The following EFL1 variants were observed in gnomAD, a reference collection of about 807,000 sequenced individuals.
EFL1 encodes elongation factor like GTPase 1, also known as elongation factor-like GTPase 1.
Under a neutral mutation model 126.7 loss-of-function variants are expected in EFL1, and 76 were observed. That is an observed-to-expected ratio of 0.60 (90% confidence interval 0.50 to 0.73). EFL1 has a LOEUF of 0.73. EFL1 is among the 30% of genes least tolerant of loss of function. EFL1 has a pLI of 0.00. For missense variants in EFL1, 1,128 were observed against 1,343.2 expected (o/e 0.84, Z 2.50); for synonymous variants, 410 against 448.4 (o/e 0.91, Z 1.08).
chr15:82,134,151 T>C (rs113671930), intron 19 of EFL1, among the ~76,000 whole-genome samples: 60 of 152,348 alleles, frequency 3.9e-4, no homozygotes, highest in African/African-American at 1.4e-3. Flanking sequence ...TCACTACTCC[T>C]GCATCTGTGT....
chr15:82,229,021 A>C lies in EFL1; in HGVS notation c.932+13T>G. 1 of 1,604,256 alleles carries C rather than the reference A, an allele frequency of 6.2e-7. No individual in the cohort carries two copies. Among genetic ancestry groups the C allele is most frequent in the Non-Finnish European group, 8.5e-7 (1 of 1,174,812 alleles). On this transcript the variant is annotated intron_variant, in intron 9 of 19. Transcript: ENST00000268206. The stretch of plus-strand genomic sequence containing the variant: ...GCCTAAAGATGCCTAAAGGTAAACA[A>C]TAAGAGTCTTACTTTTTCAAAACAG...
chr15:82,193,379 G>A (rs2074378832), intron 15 of EFL1, among the ~76,000 whole-genome samples: 1 of 152,098 alleles, frequency 6.6e-6, no homozygotes, highest in Admixed American at 6.5e-5. Flanking sequence ...CTCAATTCAT[G>A]CACATCCTTC....
chr15:82,192,363 T>C (rs2074368202), intron 15 of EFL1, among the ~76,000 whole-genome samples: 1 of 147,826 alleles, frequency 6.8e-6, no homozygotes, highest in African/African-American at 2.5e-5. Flanking sequence ...TCGCCCCACT[T>C]GCACTCCAGC....
chr15:82,223,532 A>C (rs780561115), intron 12 of EFL1, among the ~76,000 whole-genome samples: 10 of 152,234 alleles, frequency 6.6e-5, no homozygotes, highest in Non-Finnish European at 1.5e-4. Context: ...AGGCATAATA[A>C]TACTATTATT....
At chr15:82,187,291 T>C (rs531234438) in intron 15 of EFL1, among the ~76,000 whole-genome samples, 25 of 152,318 alleles carry the variant, frequency 1.6e-4, no homozygotes, top group African/African-American at 5.8e-4. Context: ...GCGTAATTTA[T>C]CCTTAAGCTG....
chr15:82,155,598 A>C (rs2073959556), intron 17 of EFL1, among the ~76,000 whole-genome samples: 1 of 152,220 alleles, frequency 6.6e-6, no homozygotes, highest in Admixed American at 6.5e-5. Context: ...TACAAATGGG[A>C]GTAGATTTGC....
chr15:82,152,170 C>T lies in EFL1; in HGVS notation c.2284G>A (p.Val762Ile). The T allele has an allele frequency of 6.2e-7, 1 of 1,614,176 alleles. No individual in the cohort carries two copies. The change falls in exon 18 of 20, where the codon GTC (valine) becomes ATC (isoleucine). Residue 762 changes from valine (V) to isoleucine (I), a missense_variant. Physicochemically the swap from Val to Ile is conservative, Grantham distance 29 (BLOSUM62 3). This residue lies in a region of EFL1 where 561 missense variants were observed against 641.7 expected (regional missense o/e 0.87). Coordinates refer to ENST00000268206, the MANE Select transcript of EFL1 (RefSeq NM_024580.6). ...CTATTTTCTTCCAGAATCTGGGTGACTTCTTCTGGAAGGGGCATGGCTCGA... is the reference window on the plus strand; with the variant it reads ...CTATTTTCTTCCAGAATCTGGGTGATTTCTTCTGGAAGGGGCATGGCTCGA... ...SVRAMPLPEE[V>I]TQILEENSDL... is the part of the protein sequence containing the mutation.
chr15:82,233,531 T>C (rs374090821), intron 7 of EFL1: 5 of 152,142 alleles, frequency 3.3e-5, no homozygotes, highest in East Asian at 1.9e-4. Context: ...AGAATTCTAA[T>C]ACTCAGTTAC....
intron 4 of EFL1, among the ~76,000 whole-genome samples, chr15:82,247,648 T>C (rs1304796854): frequency 2.6e-5 from 4 of 151,986 alleles, no homozygotes; most frequent in Non-Finnish European, 5.9e-5. Context: ...AGGCAGGCAA[T>C]GTCATCAGAA....
intron 15 of EFL1, among the ~76,000 whole-genome samples, chr15:82,188,805 T>C (rs2141268358): frequency 6.6e-6 from 1 of 152,310 alleles, no homozygotes; most frequent in South Asian, 2.1e-4. Flanking sequence ...TTTCACATTA[T>C]AATTCATTTC....
intron 18 of EFL1, among the ~76,000 whole-genome samples, chr15:82,141,571 G>A (rs1210926370): frequency 6.6e-6 from 1 of 151,942 alleles, no homozygotes; most frequent in Non-Finnish European, 1.5e-5. Context: ...CAGAGGCTGA[G>A]GCAGGAGAAT....
intron 3 of EFL1, among the ~76,000 whole-genome samples, chr15:82,256,593 TTCA>T (rs2141343455): frequency 6.6e-6 from 1 of 152,304 alleles, no homozygotes; most frequent in Non-Finnish European, 1.5e-5. Context: ...GTTTTAACAC[TTCA>T]TCATTAAGTT....
chr15:82,230,408 A>C (rs529556256), intron 8 of EFL1, among the ~76,000 whole-genome samples: 1 of 113,846 alleles, frequency 8.8e-6, no homozygotes, highest in East Asian at 2.5e-4. Context: ...GGGAGCACCC[A>C]CCTCTCCCGA....
intron 15 of EFL1, among the ~76,000 whole-genome samples, chr15:82,167,305 T>C (rs561415593): frequency 1.3e-5 from 2 of 152,296 alleles, no homozygotes; most frequent in African/African-American, 4.8e-5. Flanking sequence ...CAAATAAAAT[T>C]AAATAAATTG....
At chr15:82,137,918 T>C (rs1410893001) in intron 19 of EFL1, among the ~76,000 whole-genome samples, 1 of 152,258 alleles carries the variant, frequency 6.6e-6, no homozygotes, top group East Asian at 1.9e-4. Context: ...TTTACAGATA[T>C]GTTCAGGACA....
chr15:82,157,353 C>A (rs1385425584), intron 17 of EFL1: 1 of 162,010 alleles, frequency 6.2e-6, no homozygotes, highest in African/African-American at 2.4e-5. Context: ...GTAAAGACCA[C>A]ATCAATAAGA....
At chr15:82,157,906 C>A in intron 16 of EFL1, 46 bp from the exon 17 acceptor site, 1 of 1,563,852 alleles carries the variant, frequency 6.4e-7, no homozygotes, top group East Asian at 2.3e-5. Context: ...TAAGAACTAA[C>A]ACAATTCAAA....
intron 15 of EFL1, among the ~76,000 whole-genome samples, chr15:82,194,482 A>T (rs1185530966): frequency 1.3e-5 from 2 of 152,230 alleles, no homozygotes; most frequent in Non-Finnish European, 2.9e-5. Context: ...CTACTAATAG[A>T]AATAAAATAG....
Position 82,138,846 on chromosome 15 carries a change from T to C in EFL1, c.2990-4A>G. On this transcript the variant is annotated splice_polypyrimidine_tract_variant and splice_region_variant and intron_variant, in intron 18 of 19. Coordinates refer to ENST00000268206, the MANE Select transcript of EFL1 (RefSeq NM_024580.6). ...GACAAGACAGCATAGACTCGACCTG[T>C]AAAACCATAAATCTTTTAAAATCAT... The C allele has an allele frequency of 6.2e-7, 1 of 1,610,680 alleles. No individual in the cohort carries two copies. Among genetic ancestry groups the C allele is most frequent in the Non-Finnish European group, 8.5e-7 (1 of 1,178,156 alleles).
Sources: gnomAD v4.1 joint callset for allele counts (sites outside exome capture counted in the v4.1 genomes callset) on GRCh38, gnomAD v4.1.1 for gene constraint, gnomAD v4.1.1 regional missense constraint, MANE v1.5 for transcripts, NCBI Gene and HGNC (gene_info 2026-07-23, HGNC 2026-07-21) for gene names.